PPP2R3A: variants seen among roughly 807,000 people sequenced by gnomAD.
PPP2R3A encodes protein phosphatase 2 regulatory subunit B''alpha, also known as serine/threonine-protein phosphatase 2A regulatory subunit B'' subunit alpha.
In PPP2R3A, 80 loss-of-function variants were observed where a neutral mutation model predicts 106.9. The ratio of observed to expected loss-of-function variants is 0.75; its 90% CI spans 0.62 to 0.90. The LOEUF (loss-of-function observed/expected upper bound fraction) is 0.90, where lower values mean the gene tolerates loss of function less well. Among genes scored for constraint, PPP2R3A ranks in the 40% least tolerant of loss-of-function variants. The probability of loss-of-function intolerance (pLI) is 0.00; values close to 1 mark genes in which losing one functional copy is unlikely to be tolerated. For synonymous variants in PPP2R3A, 483 were observed against 468.3 expected, an observed-to-expected ratio of 1.03 and a Z score of -0.41; for missense variants, 1,386 against 1,350.4, an observed-to-expected ratio of 1.03 and a Z score of -0.41.
intron 5 of PPP2R3A, among the ~76,000 whole-genome samples, chr3:136,050,083 A>G (rs1210338745): frequency 6.6e-6 from 1 of 152,176 alleles, no homozygotes; most frequent in Non-Finnish European, 1.5e-5. Flanking sequence ...TCCCAATCCC[A>G]TTACCAGATT....
intron 2 of PPP2R3A, among the ~76,000 whole-genome samples, chr3:136,017,353 C>A (rs115036960): frequency 1.3e-5 from 2 of 152,146 alleles, no homozygotes; most frequent in Admixed American, 6.5e-5. Flanking sequence ...TCTCTAGCAA[C>A]GCCAGGGAAG....
At chr3:136,054,499 C>T (rs1389966736) in intron 5 of PPP2R3A, among the ~76,000 whole-genome samples, 6 of 152,008 alleles carry the variant, frequency 3.9e-5, no homozygotes, top group Non-Finnish European at 5.9e-5. Flanking sequence ...CCTCGTGATC[C>T]GCCCACCTCG....
chr3:135,968,577 A>T (rs1432353764), intron 1 of PPP2R3A, among the ~76,000 whole-genome samples: 2 of 152,200 alleles, frequency 1.3e-5, no homozygotes, highest in African/African-American at 4.8e-5. Context: ...AAGGCTGTCC[A>T]CTAAGCAGTG....
intron 6 of PPP2R3A, 38 bp downstream of exon 6, chr3:136,070,590 A>T: frequency 6.5e-7 from 1 of 1,528,640 alleles, no homozygotes; most frequent in Non-Finnish European, 8.9e-7. Flanking sequence ...ATAACTCCAT[A>T]AGTCACCTTT....
chr3:136,028,169 T>A (rs935900031), intron 3 of PPP2R3A, among the ~76,000 whole-genome samples: 1 of 152,144 alleles, frequency 6.6e-6, no homozygotes, highest in African/African-American at 2.4e-5. Flanking sequence ...CCTGCCAACC[T>A]CCTCAGCATC....
intron 4 of PPP2R3A, 34 bp downstream of exon 4, chr3:136,040,996 A>G (rs1207806479): frequency 6.4e-7 from 1 of 1,573,362 alleles, no homozygotes; most frequent in African/African-American, 1.4e-5. Context: ...GGAGCTAGGC[A>G]AAGAATTGTG....
chr3:136,088,352 T>A (rs909790662), intron 9 of PPP2R3A, among the ~76,000 whole-genome samples: 2 of 152,056 alleles, frequency 1.3e-5, no homozygotes, highest in Admixed American at 6.5e-5. Flanking sequence ...ATACGGTATT[T>A]GGTTTTCTGT....
intron 13 of PPP2R3A, among the ~76,000 whole-genome samples, chr3:136,109,312 A>T (rs1937561364): frequency 6.6e-6 from 1 of 152,208 alleles, no homozygotes; most frequent in Non-Finnish European, 1.5e-5. Context: ...AAAGAAAAAC[A>T]CAGACCATGC....
At chr3:136,116,595 G>A (rs1398151929) in intron 13 of PPP2R3A, among the ~76,000 whole-genome samples, 1 of 152,168 alleles carries the variant, frequency 6.6e-6, no homozygotes, top group Non-Finnish European at 1.5e-5. Context: ...TCCAATCCTA[G>A]TCTCTGATAA....
chr3:136,137,075 C>T (rs1938649648), intron 13 of PPP2R3A, among the ~76,000 whole-genome samples: 1 of 152,126 alleles, frequency 6.6e-6, no homozygotes, highest in Non-Finnish European at 1.5e-5. Flanking sequence ...AATGTGTTAC[C>T]TATATGAAGA....
At chr3:135,974,693 T>C (rs946817651) in intron 1 of PPP2R3A, among the ~76,000 whole-genome samples, 1 of 152,240 alleles carries the variant, frequency 6.6e-6, no homozygotes, top group Non-Finnish European at 1.5e-5. Context: ...CTCAGCACTT[T>C]GGGGTAAAAG....
chr3:136,132,066 T>C (rs1938448919), intron 13 of PPP2R3A, among the ~76,000 whole-genome samples: 1 of 151,708 alleles, frequency 6.6e-6, no homozygotes, highest in Non-Finnish European at 1.5e-5. Context: ...CTAATGTAAA[T>C]GATGAGTTGA....
intron 2 of PPP2R3A, among the ~76,000 whole-genome samples, chr3:136,004,764 C>T (rs1332915817): frequency 2.6e-5 from 4 of 152,060 alleles, no homozygotes; most frequent in Non-Finnish European, 5.9e-5. Flanking sequence ...TGAGGAAGGG[C>T]GTACAGGGGG....
intron 13 of PPP2R3A, among the ~76,000 whole-genome samples, chr3:136,116,310 G>A (rs1467526205): frequency 2.0e-5 from 3 of 152,084 alleles, no homozygotes; most frequent in African/African-American, 4.8e-5. Flanking sequence ...AAAGACCATC[G>A]ACACTACAAA....
At chr3:136,098,708 G>A (rs1329989225) in intron 10 of PPP2R3A, among the ~76,000 whole-genome samples, 1 of 152,168 alleles carries the variant, frequency 6.6e-6, no homozygotes. Flanking sequence ...AATAAACATA[G>A]CAGACTGCCT....
chr3:135,966,716 C>G (rs1048867589), intron 1 of PPP2R3A, among the ~76,000 whole-genome samples: 1 of 152,136 alleles, frequency 6.6e-6, no homozygotes, highest in Non-Finnish European at 1.5e-5. Flanking sequence ...AAGGTATTTT[C>G]TAATTAGGAA....
chr3:135,974,303 T>C (rs544295777), intron 1 of PPP2R3A, among the ~76,000 whole-genome samples: 1 of 152,326 alleles, frequency 6.6e-6, no homozygotes, highest in African/African-American at 2.4e-5. Context: ...ATACCATCTA[T>C]ACACCAACAA....
At chr3:136,020,654 A>AT (rs1934433924) in intron 2 of PPP2R3A, among the ~76,000 whole-genome samples, 1 of 152,052 alleles carries the variant, frequency 6.6e-6, no homozygotes, top group South Asian at 2.1e-4. Flanking sequence ...GAATTGAATA[A>AT]TTACTGTGAA....
At chr3:136,089,589 T>C (rs1210159839) in intron 9 of PPP2R3A, among the ~76,000 whole-genome samples, 3 of 151,358 alleles carry the variant, frequency 2.0e-5, no homozygotes, top group Admixed American at 6.6e-5. Context: ...TCCATATGAA[T>C]TTTAGAATGG....
Sources: gnomAD v4.1 joint callset for allele counts (sites outside exome capture counted in the v4.1 genomes callset) on GRCh38, gnomAD v4.1.1 for gene constraint, MANE v1.5 for transcripts, NCBI Gene and HGNC (gene_info 2026-07-23, HGNC 2026-07-21) for gene names.